Variants in ZNF704 observed in about 807,000 individuals in gnomAD.
The protein encoded by ZNF704 is zinc finger protein 704, also known as glucocorticoid induced gene 1.
Under a neutral mutation model 44.7 loss-of-function variants are expected in ZNF704, and 10 were observed. The ratio of observed to expected loss-of-function variants is 0.22; its 90% CI spans 0.14 to 0.38. ZNF704 has a LOEUF of 0.38. Among genes scored for constraint, ZNF704 ranks in the 10% least tolerant of loss-of-function variants. ZNF704 has a pLI of 1.00. For synonymous variants in ZNF704, 211 were observed against 207.6 expected (o/e 1.02, Z -0.14); for missense variants, 390 against 545.5 (o/e 0.71, Z 2.84).
chr8:80,827,639 G>C (rs1329079256), intron 1 of ZNF704, among the ~76,000 whole-genome samples: 1 of 152,138 alleles, frequency 6.6e-6, no homozygotes, highest in Non-Finnish European at 1.5e-5. Context: ...AAAGAACAAG[G>C]CTGGAGGCAT....
At chr8:80,742,993 A>G (rs913161617) in intron 2 of ZNF704, among the ~76,000 whole-genome samples, 2 of 152,118 alleles carry the variant, frequency 1.3e-5, no homozygotes, top group South Asian at 2.1e-4. Flanking sequence ...AGTAGTAAAG[A>G]GAGCTCACTA....
chr8:80,668,969 A>G (rs1818237166), intron 5 of ZNF704, among the ~76,000 whole-genome samples: 1 of 152,228 alleles, frequency 6.6e-6, no homozygotes, highest in Non-Finnish European at 1.5e-5. Context: ...GCTATGAACC[A>G]TAATTCACCA....
chr8:80,823,415 C>T (rs900378640), intron 1 of ZNF704, among the ~76,000 whole-genome samples: 3 of 152,196 alleles, frequency 2.0e-5, no homozygotes, highest in Admixed American at 6.5e-5. Flanking sequence ...GTAAGCACAA[C>T]GGCTGGGAAG....
chr8:80,665,886 C>T (rs951552214), intron 5 of ZNF704, among the ~76,000 whole-genome samples: 26 of 151,710 alleles, frequency 1.7e-4, no homozygotes, highest in Admixed American at 5.3e-4. Flanking sequence ...ACTTCCTGCA[C>T]AGCCTGTGAA....
At chr8:80,798,761 C>T (rs1268736402) in intron 2 of ZNF704, among the ~76,000 whole-genome samples, 1 of 152,228 alleles carries the variant, frequency 6.6e-6, no homozygotes, top group Non-Finnish European at 1.5e-5. Flanking sequence ...ATATCAGCAA[C>T]ACCCCTCTCT....
In ZNF704 at chr8:80,645,243, A is replaced by T; in HGVS notation, c.1033-2114T>A. 2.8e-6 allele frequency: 4 copies of T among 1,433,378 alleles called. No individual in the cohort carries two copies. In the South Asian group the frequency reaches 3.8e-5, roughly 13 times the overall value. 88.8% of individuals were successfully genotyped at this position (1,433,378 alleles called of 1,614,324 possible). On this transcript the variant is annotated intron_variant, in intron 7 of 8. Transcript: ENST00000327835. Reference sequence around the variant, plus strand: ...GGAAAAAGAATGTTTCAACTAATTAATCAGTATTGCCATATGTAGGAGGAT... The same window carrying T: ...GGAAAAAGAATGTTTCAACTAATTATTCAGTATTGCCATATGTAGGAGGAT...
At chr8:80,707,168 C>T (rs985234535) in intron 2 of ZNF704, among the ~76,000 whole-genome samples, 3 of 152,156 alleles carry the variant, frequency 2.0e-5, no homozygotes, top group Non-Finnish European at 2.9e-5. Flanking sequence ...TCTTCAGAGG[C>T]GCAATGGGGT....
intron 2 of ZNF704, among the ~76,000 whole-genome samples, chr8:80,777,787 G>A: frequency 6.6e-6 from 1 of 151,596 alleles, no homozygotes; most frequent in Non-Finnish European, 1.5e-5. Context: ...GCTGAGGCAG[G>A]AGAATTGCTT....
Position 80,865,626 on chromosome 8 carries a change from T to C in ZNF704, c.-22+8945A>G, listed in dbSNP as rs189961938. Among the ~76,000 whole-genome samples the C allele has an allele frequency of 2.0e-5, 3 of 152,366 alleles. No individual in the cohort carries two copies. In the East Asian group the frequency reaches 5.8e-4, roughly 29 times the overall value. The stretch of plus-strand genomic sequence containing the variant: ...ACTTTTGACATTCACTTACTTCAAC[T>C]AGCCACGTACAATTAGTCTGAATCG... On this transcript the variant is annotated intron_variant, in intron 1 of 8. Coordinates refer to ENST00000327835, the MANE Select transcript of ZNF704 (RefSeq NM_001033723.3).
chr8:80,740,893 C>A (rs1806744945), intron 2 of ZNF704, among the ~76,000 whole-genome samples: 1 of 152,246 alleles, frequency 6.6e-6, no homozygotes, highest in Non-Finnish European at 1.5e-5. Flanking sequence ...GGATGATTTA[C>A]TTCTAGCCGC....
At chr8:80,650,466 C>G (rs1817900176) in intron 7 of ZNF704, among the ~76,000 whole-genome samples, 1 of 152,154 alleles carries the variant, frequency 6.6e-6, no homozygotes, top group Non-Finnish European at 1.5e-5. Flanking sequence ...CAGAGAAGTC[C>G]TTAAAGGACC....
In ZNF704 at chr8:80,632,460, G is replaced by A. The variant is rs538750218; in HGVS notation, c.*8906C>T. On this transcript the variant is annotated 3_prime_UTR_variant, in exon 9 of 9. Coordinates refer to ENST00000327835, the MANE Select transcript of ZNF704 (RefSeq NM_001033723.3). Reference sequence around the variant, plus strand: ...TCTGCCTTGGACTCCCAAAGTGCTGGGATTATAGGCGTGAACCACTGCATC... The same window carrying A: ...TCTGCCTTGGACTCCCAAAGTGCTGAGATTATAGGCGTGAACCACTGCATC... The A allele has an allele frequency of 1.3e-5, 2 of 152,228 alleles. No individual in the cohort carries two copies. The highest frequency in any genetic ancestry group is 2.4e-5 in the African/African-American group (1 of 41,516). 9.4% of individuals were successfully genotyped at this position (152,228 alleles called of 1,614,324 possible). A position where few individuals can be genotyped will look rare whatever the true frequency, so the allele number is the denominator to read the frequency against.
chr8:80,651,629 T>C (rs185725718), intron 7 of ZNF704, among the ~76,000 whole-genome samples: 26 of 152,240 alleles, frequency 1.7e-4, no homozygotes, highest in African/African-American at 5.5e-4. Context: ...ATCCTAAATA[T>C]ATATGCACCC....
intron 6 of ZNF704, among the ~76,000 whole-genome samples, chr8:80,662,362 T>G (rs1311494562): frequency 6.6e-6 from 1 of 152,194 alleles, no homozygotes; most frequent in Non-Finnish European, 1.5e-5. Flanking sequence ...ATTTCTAAGT[T>G]TATGCTTTGG....
At position 80,641,133 on chromosome 8, in the gene ZNF704, C is replaced by A. The variant is rs1817735998; in HGVS notation, c.*233G>T. 3.1e-6 allele frequency: 1 copy of A among 323,360 alleles called. No individual in the cohort carries two copies. The highest frequency in any genetic ancestry group is 5.6e-6 in the Non-Finnish European group (1 of 178,692). 20.0% of individuals were successfully genotyped at this position (323,360 alleles called of 1,614,324 possible). On this transcript the variant is annotated 3_prime_UTR_variant, in exon 9 of 9. Coordinates refer to ENST00000327835, the MANE Select transcript of ZNF704 (RefSeq NM_001033723.3). ...GACTTTTCTTTTGAAGGAAAAAAAA[C>A]TAGTTATAGCTGCTCCAAGCTGGGT...
rs138580214 is a variant in ZNF704, at chr8:80,712,147, G to A, written c.222-19040C>T. 2.1e-3 allele frequency among the ~76,000 whole-genome samples: 317 copies of A among 152,256 alleles called. 1 individual carries two copies. The highest frequency in any genetic ancestry group is 7.3e-3 in the African/African-American group (302 of 41,536). On this transcript the variant is annotated intron_variant, in intron 2 of 8. Transcript: ENST00000327835. ...GATTAATGCTGTTATTGTGAGAGTG[G>A]GTTAGTTATCCCAGGAGTGGGTTCC...
intron 2 of ZNF704, among the ~76,000 whole-genome samples, chr8:80,804,033 C>A (rs1807945377): frequency 6.6e-6 from 1 of 152,014 alleles, no homozygotes; most frequent in Admixed American, 6.6e-5. Flanking sequence ...TGAAAAGACA[C>A]CTCTCAAAAG....
rs571121661 is a variant in ZNF704, at chr8:80,789,928, G to C, written c.221+31446C>G. Among the ~76,000 whole-genome samples, 5 of 152,254 alleles carry C rather than the reference G, an allele frequency of 3.3e-5. No homozygotes were observed. In the East Asian group the frequency reaches 9.7e-4, roughly 29 times the overall value. On this transcript the variant is annotated intron_variant, in intron 2 of 8. Coordinates refer to ENST00000327835, the MANE Select transcript of ZNF704 (RefSeq NM_001033723.3). The stretch of plus-strand genomic sequence containing the variant: ...TGTCAAGAAGAAATAGTCAGAGAAA[G>C]GATATTTGTACGTTAAAATCCAATG...
chr8:80,724,038 G>A (rs138602189), intron 2 of ZNF704, among the ~76,000 whole-genome samples: 3 of 152,246 alleles, frequency 2.0e-5, no homozygotes, highest in Non-Finnish European at 2.9e-5. Flanking sequence ...TTATATTTAC[G>A]CAAGTAATGT....
Sources: gnomAD v4.1 joint callset for allele counts (sites outside exome capture counted in the v4.1 genomes callset) on GRCh38, gnomAD v4.1.1 for gene constraint, MANE v1.5 for transcripts, NCBI Gene and HGNC (gene_info 2026-07-23, HGNC 2026-07-21) for gene names.